Variants in CEP72 observed in about 807,000 individuals in gnomAD.
The protein encoded by CEP72 is centrosomal protein 72.
CEP72 carries 78 observed loss-of-function variants against 65.7 expected under a neutral mutation model. The ratio of observed to expected loss-of-function variants is 1.19; its 90% CI spans 0.99 to 1.43. The LOEUF is 1.43. Among genes scored for constraint, CEP72 ranks in the 40% most tolerant of loss-of-function variants. The pLI is 0.00. For synonymous variants in CEP72, 358 were observed against 351.7 expected (o/e 1.02, Z -0.20); for missense variants, 914 against 832.9 (o/e 1.10, Z -1.20).
At chr5:665,046 G>A in intron 2 of CEP72, 1 of 1,560,534 alleles carries the variant, frequency 6.4e-7, no homozygotes, top group Non-Finnish European at 8.7e-7. Flanking sequence ...GAAGTGCGAG[G>A]TGACAGAGTC....
At position 624,660 on chromosome 5, in the gene CEP72, G is replaced by GT; in HGVS notation, c.512+82dup. On this transcript the variant is annotated intron_variant, in intron 4 of 11. Transcript: ENST00000264935. This position sits in a 1 kb window ranked among gnomAD's most constrained non-coding sequence, Gnocchi z 4.7. ...GAGGATTAACCGAACGTCATTCACT[G>GT]TGTGCCGGTCACTCTCCAGGGGCGG... 1 of 1,026,884 alleles carries GT rather than the reference G, an allele frequency of 9.7e-7. No individual in the cohort carries two copies. The highest frequency in any genetic ancestry group is 1.5e-6 in the Non-Finnish European group (1 of 654,384). 63.6% of individuals were successfully genotyped at this position (1,026,884 alleles called of 1,614,324 possible). A position where few individuals can be genotyped will look rare whatever the true frequency, so the allele number is the denominator to read the frequency against.
chr5:621,176 TGCTTCTGTTGTTAGGGTCAGA>T (rs1736366354), intron 3 of CEP72, among the ~76,000 whole-genome samples: 1 of 152,238 alleles, frequency 6.6e-6, no homozygotes, highest in Non-Finnish European at 1.5e-5. Context: ...GTTCCCTGGT[TGCTTCTGTTGTTAGGGTCAGA>T]CCTACCATGC....
rs1739222697 is a variant in CEP72 at position 653,144 on chromosome 5, G to C, written c.1935G>C (p.Gln645His). ...GCAGCGCCAGCCATGGAGGCTGCCA[G>C]GCCTGCTGACTCCTGCCGAGAAGCT... ...PHSSASHGGCQAC is the reference protein window; with the variant it reads ...PHSSASHGGCHAC Residue 645 changes from glutamine (Q) to histidine (H), a missense_variant, in exon 12 of 12, where the codon CAG (glutamine) becomes CAC (histidine). By Grantham distance (24) the Gln-to-His change is conservative (BLOSUM62 0). Coordinates refer to ENST00000264935, the MANE Select transcript of CEP72 (RefSeq NM_018140.4). 6.2e-7 allele frequency: 1 copy of C among 1,605,116 alleles called. No homozygotes were observed. Among genetic ancestry groups the C allele is most frequent in the African/African-American group, 1.3e-5 (1 of 74,792 alleles).
At position 640,406 on chromosome 5, in the gene CEP72, A is replaced by G. The variant is rs1737928781; in HGVS notation, c.1343-2A>G. The G allele has an allele frequency of 6.8e-6, 11 of 1,612,042 alleles. No individual in the cohort carries two copies. Among genetic ancestry groups the G allele is most frequent in the Non-Finnish European group, 9.3e-6 (11 of 1,178,582 alleles). On this transcript the variant is annotated splice_acceptor_variant, in intron 8 of 11. Transcript: ENST00000264935. LOFTEE classifies it high-confidence loss of function. Reference sequence around the variant, plus strand: ...AATGTAATATTTGGTTTTCACTCCTAGCTCAGGCAAGACACATCTTGTCAT... The same window carrying G: ...AATGTAATATTTGGTTTTCACTCCTGGCTCAGGCAAGACACATCTTGTCAT...
rs535858549 is a variant in CEP72 at position 641,926 on chromosome 5, G to A, written c.1539+1322G>A. 156 of 938,838 alleles carry A rather than the reference G, an allele frequency of 1.7e-4. 3 individuals carry two copies. The Admixed American group carries it at 1.7e-3, about 10-fold the overall frequency. 58.2% of individuals were successfully genotyped at this position (938,838 alleles called of 1,614,324 possible). ...GAAGCCTGTGCATTTAAACACACGT[G>A]GTCCCCCGTCCAGAAGCCTCTGCAT... On this transcript the variant is annotated intron_variant, in intron 9 of 11. Transcript: ENST00000264935.
At chr5:651,517 T>C (rs2126829405) in intron 11 of CEP72, among the ~76,000 whole-genome samples, 1 of 152,076 alleles carries the variant, frequency 6.6e-6, no homozygotes, top group Non-Finnish European at 1.5e-5. Flanking sequence ...GCAGCTGTGC[T>C]TCCCCCTTCA....
chr5:614,164 T>C (rs1281643326), intron 1 of CEP72, among the ~76,000 whole-genome samples: 1 of 152,254 alleles, frequency 6.6e-6, no homozygotes, highest in Admixed American at 6.5e-5. Context: ...TTGATTTTTC[T>C]CCAGTGTTTT....
chr5:644,661 G>T (rs1347344796), intron 10 of CEP72, among the ~76,000 whole-genome samples: 1 of 152,252 alleles, frequency 6.6e-6, no homozygotes, highest in East Asian at 1.9e-4. Context: ...GGCCACCCCT[G>T]TCCTCACCCT....
At chr5:665,149 AG>A (rs1739841406) in intron 2 of CEP72, 1 of 1,613,170 alleles carries the variant, frequency 6.2e-7, no homozygotes, top group East Asian at 2.2e-5. Flanking sequence ...GCGTGCTTGT[AG>A]CCGGACACAT....
At chr5:634,024 C>A in intron 5 of CEP72, 77 bp downstream of exon 5, 1 of 1,355,546 alleles carries the variant, frequency 7.4e-7, no homozygotes, top group Non-Finnish European at 1.0e-6. Context: ...GGCTTGGAGT[C>A]CACAGTTGCT....
rs549700980 is a variant in CEP72, at chr5:643,485, A to C, written c.1540-814A>C. 3 of 985,376 alleles carry C rather than the reference A, an allele frequency of 3.0e-6. No homozygotes were observed. In the African/African-American group the frequency reaches 5.2e-5, roughly 17 times the overall value. 61.0% of individuals were successfully genotyped at this position (985,376 alleles called of 1,614,324 possible). On this transcript the variant is annotated intron_variant, in intron 9 of 11. Coordinates refer to ENST00000264935, the MANE Select transcript of CEP72 (RefSeq NM_018140.4). ...CGTCGGGGGCCTGGCGGGTGCATGC[A>C]TGCTGAGGGGGCTGTCGGCGGGTGG...
At chr5:636,638 A>G (rs1205856920) in intron 6 of CEP72, among the ~76,000 whole-genome samples, 1 of 152,004 alleles carries the variant, frequency 6.6e-6, no homozygotes, top group Non-Finnish European at 1.5e-5. Context: ...TGGTGAAACC[A>G]GGTCTCTACT....
chr5:667,759 A>G (rs745570283), downstream of CEP72, among the ~76,000 whole-genome samples: 3 of 151,112 alleles, frequency 2.0e-5, no homozygotes, highest in Non-Finnish European at 4.4e-5. Flanking sequence ...ACCACCAGAG[A>G]AGACACGTGC....
downstream of CEP72, chr5:660,622 G>T (rs889596159): frequency 3.9e-5 from 6 of 152,340 alleles, no homozygotes; most frequent in Non-Finnish European, 5.9e-5. Context: ...GAGATGAGCT[G>T]GGCCAGTAGA....
At chr5:671,892 C>T (rs996356548), downstream of CEP72, among the ~76,000 whole-genome samples, 4 of 152,212 alleles carry the variant, frequency 2.6e-5, no homozygotes, top group Non-Finnish European at 4.4e-5. Flanking sequence ...CACCCTTCCC[C>T]CGGGCTGGGT....
intron 2 of CEP72, 30 bp from the exon 3 acceptor site, chr5:620,039 G>A: frequency 6.4e-7 from 1 of 1,573,086 alleles, no homozygotes; most frequent in Non-Finnish European, 8.7e-7. Flanking sequence ...TTTAAAGTGT[G>A]AATGAATTCA....
the CEP72 span, among the ~76,000 whole-genome samples, chr5:675,482 A>AGGGGGGCAGTGTGGCCG: frequency 2.2e-5 from 2 of 91,088 alleles, no homozygotes; most frequent in Admixed American, 1.3e-4. Flanking sequence ...CAGTGTGGCC[A>AGGGGGGCAGTGTGGCCG]GGGGTACATT....
chr5:647,977 T>G (rs1580014706), intron 11 of CEP72, 61 bp downstream of exon 11: 1 of 1,217,052 alleles, frequency 8.2e-7, no homozygotes, highest in East Asian at 2.4e-5. Context: ...ACAGGGAGGG[T>G]TGGGCCGGAC....
chr5:622,429 C>T (rs1252875057), intron 3 of CEP72, among the ~76,000 whole-genome samples: 1 of 152,230 alleles, frequency 6.6e-6, no homozygotes, highest in Non-Finnish European at 1.5e-5. Context: ...AGGGCAGCAA[C>T]TGGGGTGGCA....
Sources: gnomAD v4.1 joint callset for allele counts (sites outside exome capture counted in the v4.1 genomes callset) on GRCh38, gnomAD v4.1.1 for gene constraint, Gnocchi (gnomAD v3.1) non-coding constraint, MANE v1.5 for transcripts, NCBI Gene and HGNC (gene_info 2026-07-23, HGNC 2026-07-21) for gene names.